The following WBP1L variants were observed in gnomAD, a reference collection of about 807,000 sequenced individuals.
WBP1L encodes WW domain binding protein 1 like.
WBP1L carries 17 observed loss-of-function variants against 33.7 expected under a neutral mutation model. That is an observed-to-expected ratio of 0.50 (90% CI 0.34 to 0.76). The LOEUF (loss-of-function observed/expected upper bound fraction) is 0.76. WBP1L is among the 30% of genes least tolerant of loss of function. The pLI, the probability that WBP1L is intolerant of heterozygous loss-of-function variation, is 0.01. For synonymous variants in WBP1L, 173 were observed against 190.8 expected (o/e 0.91, Z 0.77); for missense variants, 389 against 469.4 (o/e 0.83, Z 1.58).
At chr10:102,794,889 C>T (rs1843553492) in intron 1 of WBP1L, among the ~76,000 whole-genome samples, 1 of 152,178 alleles carries the variant, frequency 6.6e-6, no homozygotes, top group African/African-American at 2.4e-5. Context: ...CTCCTGAATC[C>T]TCCTTCACCT....
chr10:102,815,881 G>C lies in WBP1L; in HGVS notation c.*2550G>C, dbSNP rs1843934121. 1 of 152,542 alleles carries C rather than the reference G, an allele frequency of 6.6e-6. No individual in the cohort carries two copies. Among genetic ancestry groups the C allele is most frequent in the Non-Finnish European group, 1.5e-5 (1 of 68,084 alleles). The allele number at this position is 152,542 out of a possible 1,614,324, so 9.4% of individuals were successfully genotyped here. A position where few individuals can be genotyped will look rare whatever the true frequency, so the allele number is the denominator to read the frequency against. On this transcript the variant is annotated 3_prime_UTR_variant, in exon 4 of 4. Coordinates refer to ENST00000448841, the MANE Select transcript of WBP1L (RefSeq NM_001083913.2). ...AGAAGACGGAAATGCAACCTGCGGA[G>C]CTGGGCTTGGTTCCCAGGTCACAGT...
At chr10:102,811,545 C>T (rs1843843231) in intron 3 of WBP1L, among the ~76,000 whole-genome samples, 1 of 152,210 alleles carries the variant, frequency 6.6e-6, no homozygotes, top group South Asian at 2.1e-4. Flanking sequence ...GAATCTCGCT[C>T]TGTCACCCAG....
In WBP1L at chr10:102,813,034, C is replaced by T. The variant is rs1257260941; in HGVS notation, c.795C>T (p.Arg265=). The T allele has an allele frequency of 1.9e-6, 3 of 1,613,752 alleles. No homozygotes were observed. The highest frequency in any genetic ancestry group is 2.5e-6 in the Non-Finnish European group (3 of 1,180,034). ...DSKEKTPGRH[R]RFTGDSGIEV... is the part of the protein sequence containing the mutation. ...AAGAGAAGACGCCTGGGAGACATCG[C>T]CGCTTCACAGGTGACTCGGGCATTG... Residue 265 remains arginine, a synonymous_variant, in exon 4 of 4, where the codon CGC becomes CGT. Transcript: ENST00000448841.
Position 102,766,948 on chromosome 10 carries a change from A to G in WBP1L, c.90+22805A>G, listed in dbSNP as rs575927822. On this transcript the variant is annotated intron_variant, in intron 1 of 3. Coordinates refer to ENST00000448841, the MANE Select transcript of WBP1L (RefSeq NM_001083913.2). Reference sequence around the variant, plus strand: ...TTTGGTTTGGAGAGCAATTGTGAGGAGGCATGAAATGTATCTGGAGATAGC... The same window carrying G: ...TTTGGTTTGGAGAGCAATTGTGAGGGGGCATGAAATGTATCTGGAGATAGC... Among the ~76,000 whole-genome samples, 3 of 152,284 alleles carry G rather than the reference A, an allele frequency of 2.0e-5. No individual in the cohort carries two copies. In the South Asian group the frequency reaches 6.2e-4, roughly 32 times the overall value.
intron 1 of WBP1L, among the ~76,000 whole-genome samples, chr10:102,757,382 C>T (rs1468692571): frequency 6.6e-6 from 1 of 152,154 alleles, no homozygotes; most frequent in Non-Finnish European, 1.5e-5. Flanking sequence ...ATGGGGTCAC[C>T]GCCAAGGCGG....
intron 1 of WBP1L, among the ~76,000 whole-genome samples, chr10:102,768,132 A>G (rs893756134): frequency 6.6e-6 from 1 of 152,038 alleles, no homozygotes. Context: ...ATGCATTGGC[A>G]TGATCTCGGC....
rs1452271543 is a variant in WBP1L, at chr10:102,763,840, GTC to G, written c.90+19700_90+19701del. 3.9e-5 allele frequency among the ~76,000 whole-genome samples: 6 copies of G among 152,150 alleles called. No homozygotes were observed. In the East Asian group the frequency reaches 1.2e-3, roughly 29 times the overall value. ...TTTCTTTCTGTTTTTTTGAGACAGA[GTC>G]TCGCTCTGTCATCCAGGCTGGAGTG... is the stretch of plus-strand genomic sequence containing the variant. On this transcript the variant is annotated intron_variant, in intron 1 of 3. Coordinates refer to ENST00000448841, the MANE Select transcript of WBP1L (RefSeq NM_001083913.2).
chr10:102,809,163 C>T (rs747987071), intron 2 of WBP1L, among the ~76,000 whole-genome samples: 8 of 151,230 alleles, frequency 5.3e-5, no homozygotes, highest in African/African-American at 2.4e-5. Flanking sequence ...CTGCAGCCTC[C>T]GCCTCCTGGG....
At chr10:102,770,590 C>G (rs752248164) in intron 1 of WBP1L, among the ~76,000 whole-genome samples, 2 of 152,190 alleles carry the variant, frequency 1.3e-5, no homozygotes, top group African/African-American at 2.4e-5. Flanking sequence ...AGGAAGGTCT[C>G]CAGCCTATTC....
intron 1 of WBP1L, among the ~76,000 whole-genome samples, chr10:102,775,618 C>T (rs1011255733): frequency 6.6e-6 from 1 of 152,108 alleles, no homozygotes; most frequent in African/African-American, 2.4e-5. Context: ...CCGGTGGAAG[C>T]GAGGGCTCGA....
rs1212362890 is a variant in WBP1L at position 102,799,771 on chromosome 10, G to C, written c.193+1676G>C. On this transcript the variant is annotated intron_variant, in intron 2 of 3. Transcript: ENST00000448841. ...TTTCTCATCCCCCCCATCAACCCCT[G>C]TGTCAGTGATATGGCAAGAAAGCAG... 2.0e-5 allele frequency among the ~76,000 whole-genome samples: 3 copies of C among 151,890 alleles called. No homozygotes were observed. The East Asian group carries it at 5.8e-4, about 29-fold the overall frequency.
intron 1 of WBP1L, among the ~76,000 whole-genome samples, chr10:102,789,892 G>A (rs1953928): frequency 0.52 from 78,433 of 151,248 alleles, 21,336 homozygotes; most frequent in Middle Eastern, 0.63. Flanking sequence ...ACAGGCGCCC[G>A]CCACCACGCC....
chr10:102,813,305 T>C lies in WBP1L; in HGVS notation c.1066T>C (p.Ser356Pro), dbSNP rs1225972364. 1.2e-6 allele frequency: 2 copies of C among 1,609,734 alleles called. No homozygotes were observed. Among genetic ancestry groups the C allele is most frequent in the Non-Finnish European group, 1.7e-6 (2 of 1,177,816 alleles). ...NTINEQDSPN[S>P]QSSSSPS ...CATCAACGAGCAGGACTCTCCCAAC[T>C]CCCAGAGCAGCAGCTCCCCCAGCTA... The change falls in exon 4 of 4, where the codon TCC (serine) becomes CCC (proline). Residue 356 changes from serine to proline, a missense_variant. Physicochemically the swap from Ser to Pro is moderately conservative, Grantham distance 74. Transcript: ENST00000448841.
chr10:102,795,199 A>G (rs1258306587), intron 1 of WBP1L, among the ~76,000 whole-genome samples: 1 of 152,232 alleles, frequency 6.6e-6, no homozygotes, highest in East Asian at 1.9e-4. Flanking sequence ...TTTGTGTTAG[A>G]GGATTTTACC....
At chr10:102,773,175 A>T (rs1843215135) in intron 1 of WBP1L, among the ~76,000 whole-genome samples, 1 of 152,192 alleles carries the variant, frequency 6.6e-6, no homozygotes, top group South Asian at 2.1e-4. Context: ...AACATGGCAG[A>T]AAGTGAACTC....
intron 2 of WBP1L, among the ~76,000 whole-genome samples, chr10:102,807,621 C>G (rs1370959952): frequency 6.6e-6 from 1 of 152,112 alleles, no homozygotes; most frequent in East Asian, 1.9e-4. Context: ...ATCCGCCCAC[C>G]TTGGCCTCCC....
At chr10:102,766,582 C>T (rs1843113826) in intron 1 of WBP1L, among the ~76,000 whole-genome samples, 1 of 151,916 alleles carries the variant, frequency 6.6e-6, no homozygotes, top group Non-Finnish European at 1.5e-5. Context: ...ATGATCGCAC[C>T]ACTGCAGTCC....
intron 1 of WBP1L, among the ~76,000 whole-genome samples, chr10:102,794,356 G>A (rs1327105548): frequency 6.6e-6 from 1 of 152,194 alleles, no homozygotes; most frequent in Non-Finnish European, 1.5e-5. Context: ...GCTCACGCCT[G>A]TAATCCCAGC....
chr10:102,795,659 A>G (rs1238571706), intron 1 of WBP1L, among the ~76,000 whole-genome samples: 3 of 152,250 alleles, frequency 2.0e-5, no homozygotes, highest in Admixed American at 1.3e-4. Flanking sequence ...TTCCTGAGAC[A>G]GAAGTGTCAT....
Sources: allele counts gnomAD v4.1 joint callset (sites outside exome capture counted in the v4.1 genomes callset), GRCh38; gene constraint gnomAD v4.1.1; transcripts MANE v1.5; gene names NCBI Gene and HGNC (gene_info 2026-07-23, HGNC 2026-07-21).